Variants in HHAT observed in about 807,000 individuals in gnomAD.
HHAT encodes the protein protein-cysteine N-palmitoyltransferase HHAT.
In HHAT, 47 loss-of-function variants were observed where a neutral mutation model predicts 70.8. That is an observed-to-expected ratio of 0.66 (90% confidence interval 0.53 to 0.85). The LOEUF (loss-of-function observed/expected upper bound fraction) is 0.85, where lower values mean the gene tolerates loss of function less well. Among genes scored for constraint, HHAT ranks in the 40% least tolerant of loss-of-function variants. HHAT has a pLI of 0.00. For synonymous variants in HHAT, 228 were observed against 247.6 expected (o/e 0.92, Z 0.74); for missense variants, 609 against 604.8 (o/e 1.01, Z -0.07).
chr1:210,410,940 T>C (rs974457328), intron 6 of HHAT, among the ~76,000 whole-genome samples: 82 of 152,206 alleles, frequency 5.4e-4, no homozygotes, highest in African/African-American at 1.9e-3. Context: ...GACATGTAAT[T>C]ATGCCTTATT....
At chr1:210,667,305 C>T (rs1679116583) in intron 11 of HHAT, among the ~76,000 whole-genome samples, 1 of 152,086 alleles carries the variant, frequency 6.6e-6, no homozygotes, top group Admixed American at 6.6e-5. Flanking sequence ...TCACTTGAAC[C>T]TGGGAGGCAG....
chr1:210,667,707 C>T (rs1317343154), intron 11 of HHAT, among the ~76,000 whole-genome samples: 1 of 151,686 alleles, frequency 6.6e-6, no homozygotes. Flanking sequence ...CCGCCCAGCC[C>T]CAGGCAACCC....
At position 210,378,611 on chromosome 1, in the gene HHAT, G is replaced by A. The variant is rs575436539; in HGVS notation, c.160-8857G>A. Among the ~76,000 whole-genome samples, 5 of 152,154 alleles carry A rather than the reference G, an allele frequency of 3.3e-5. No individual in the cohort carries two copies. In the South Asian group the frequency reaches 6.2e-4, roughly 19 times the overall value. On this transcript the variant is annotated intron_variant, in intron 3 of 11. Coordinates refer to ENST00000261458, the MANE Select transcript of HHAT (RefSeq NM_018194.6). ...TGTGATACTTTGATACCTCTATACAGTGTGTAATGATTAAATAAAAGTAAT... is the reference window on the plus strand; with the variant it reads ...TGTGATACTTTGATACCTCTATACAATGTGTAATGATTAAATAAAAGTAAT...
At chr1:210,610,924 A>G (rs1011046324) in intron 10 of HHAT, among the ~76,000 whole-genome samples, 1 of 152,072 alleles carries the variant, frequency 6.6e-6, no homozygotes, top group Non-Finnish European at 1.5e-5. Flanking sequence ...GCCTTGTACT[A>G]TAGTTTGAAG....
At chr1:210,541,687 A>G (rs890390778) in intron 9 of HHAT, among the ~76,000 whole-genome samples, 1 of 152,228 alleles carries the variant, frequency 6.6e-6, no homozygotes, top group Non-Finnish European at 1.5e-5. Flanking sequence ...AGATTGTGCC[A>G]CTGCACTACA....
intron 2 of HHAT, among the ~76,000 whole-genome samples, chr1:210,349,348 T>A (rs998848237): frequency 6.6e-6 from 1 of 152,166 alleles, no homozygotes; most frequent in Non-Finnish European, 1.5e-5. Context: ...CGTTCAGAAT[T>A]CAAAGTAAAC....
At chr1:210,403,399 A>G (rs989119139) in intron 5 of HHAT, among the ~76,000 whole-genome samples, 3 of 152,238 alleles carry the variant, frequency 2.0e-5, no homozygotes, top group Non-Finnish European at 4.4e-5. Flanking sequence ...AGCATCAGTT[A>G]TAGATGTTGG....
At chr1:210,538,216 T>C (rs961640556) in intron 9 of HHAT, among the ~76,000 whole-genome samples, 2 of 152,160 alleles carry the variant, frequency 1.3e-5, no homozygotes, top group Non-Finnish European at 2.9e-5. Context: ...TCCTCATTGA[T>C]AGATAGCAGT....
intron 6 of HHAT, among the ~76,000 whole-genome samples, chr1:210,410,575 A>G (rs1258980254): frequency 6.8e-5 from 9 of 131,624 alleles, no homozygotes; most frequent in Non-Finnish European, 1.4e-4. Context: ...CACCCAGGCT[A>G]GAGTGCAGTG....
chr1:210,471,512 A>AT (rs2094204448), intron 8 of HHAT, among the ~76,000 whole-genome samples: 3 of 151,672 alleles, frequency 2.0e-5, no homozygotes, highest in Admixed American at 2.0e-4. Flanking sequence ...TGGGGGTAGG[A>AT]TTTTTCTGAG....
At chr1:210,537,558 G>C (rs967240769) in intron 9 of HHAT, among the ~76,000 whole-genome samples, 1 of 152,200 alleles carries the variant, frequency 6.6e-6, no homozygotes, top group African/African-American at 2.4e-5. Flanking sequence ...GTCTTCTGCA[G>C]GTCAGCTGCA....
At chr1:210,606,536 C>T in intron 10 of HHAT, among the ~76,000 whole-genome samples, 1 of 152,114 alleles carries the variant, frequency 6.6e-6, no homozygotes, top group South Asian at 2.1e-4. Context: ...CTCTTGAAGC[C>T]CTTCCATCCT....
intron 9 of HHAT, among the ~76,000 whole-genome samples, chr1:210,559,597 G>A (rs1573319984): frequency 1.3e-5 from 2 of 152,244 alleles, no homozygotes; most frequent in South Asian, 4.1e-4. Flanking sequence ...TCATCTTTCC[G>A]CCATACAATT....
At chr1:210,446,768 C>T (rs1299248624) in intron 7 of HHAT, among the ~76,000 whole-genome samples, 1 of 152,226 alleles carries the variant, frequency 6.6e-6, no homozygotes, top group Non-Finnish European at 1.5e-5. Flanking sequence ...GCTTAAATGT[C>T]ATTGCCCCAA....
At chr1:210,575,159 T>G (rs1657362893) in intron 9 of HHAT, among the ~76,000 whole-genome samples, 1 of 152,152 alleles carries the variant, frequency 6.6e-6, no homozygotes, top group Non-Finnish European at 1.5e-5. Flanking sequence ...CTCCTGACTC[T>G]GTGGTGGGAG....
intron 9 of HHAT, among the ~76,000 whole-genome samples, chr1:210,543,350 C>A (rs1021206399): frequency 3.4e-5 from 5 of 146,760 alleles, no homozygotes; most frequent in Admixed American, 3.4e-4. Flanking sequence ...GGGTGTTTTT[C>A]TTTTTTTTTT....
intron 11 of HHAT, among the ~76,000 whole-genome samples, chr1:210,649,571 G>A (rs11119559): frequency 2.0e-5 from 3 of 152,074 alleles, no homozygotes; most frequent in Non-Finnish European, 2.9e-5. Flanking sequence ...GATGGGCTGC[G>A]TGCAGCCATG....
At chr1:210,430,855 T>G (rs2148323616) in intron 7 of HHAT, among the ~76,000 whole-genome samples, 1 of 152,106 alleles carries the variant, frequency 6.6e-6, no homozygotes, top group African/African-American at 2.4e-5. Flanking sequence ...CAAGTTCTCT[T>G]TGATGCTTTT....
At position 210,623,645 on chromosome 1, in the gene HHAT, C is replaced by T; in HGVS notation, c.1365C>T (p.Thr455=). 6.2e-7 allele frequency: 1 copy of T among 1,614,030 alleles called. No homozygotes were observed. Among genetic ancestry groups the T allele is most frequent in the Non-Finnish European group, 8.5e-7 (1 of 1,179,966 alleles). Residue 455 remains threonine (T), a synonymous_variant, in exon 11 of 12, where the codon ACC becomes ACT. Coordinates refer to ENST00000261458, the MANE Select transcript of HHAT (RefSeq NM_018194.6). The part of the protein sequence containing the change: ...VFLGGNEVGK[T]YWNRIFIQGW... ...TTGGGGGCAATGAGGTTGGGAAAAC[C>T]TACTGGAATAGGATCTTCATACAAG...
Sources: allele counts gnomAD v4.1 joint callset (sites outside exome capture counted in the v4.1 genomes callset), GRCh38; gene constraint gnomAD v4.1.1; transcripts MANE v1.5; gene names NCBI Gene and HGNC (gene_info 2026-07-23, HGNC 2026-07-21).